Variants in PPP1R13L observed in about 807,000 individuals in gnomAD.
PPP1R13L encodes the protein protein phosphatase 1 regulatory subunit 13 like, also known as relA-associated inhibitor.
In PPP1R13L, 50 loss-of-function variants were observed where a neutral mutation model predicts 80.9. The ratio of observed to expected loss-of-function variants is 0.62; its 90% CI spans 0.49 to 0.78. PPP1R13L has a LOEUF of 0.78. Ranked by LOEUF, PPP1R13L falls within the 30% of genes least tolerant of loss-of-function variation. The probability of loss-of-function intolerance (pLI) is 0.00; values close to 1 mark genes in which losing one functional copy is unlikely to be tolerated. For synonymous variants in PPP1R13L, 602 were observed against 534.3 expected, an observed-to-expected ratio of 1.13 and a Z score of -1.75; for missense variants, 1,200 against 1,205.9, an observed-to-expected ratio of 1.00 and a Z score of 0.07.
intron 8 of PPP1R13L, 136 bp from the exon 9 acceptor site, chr19:45,386,316 GT>G (rs1568554906): frequency 1.1e-5 from 12 of 1,127,666 alleles, no homozygotes; most frequent in Non-Finnish European, 1.2e-5. Flanking sequence ...TCGGGATGGG[GT>G]GAGGGGGTGC....
intron 11 of PPP1R13L, among the ~76,000 whole-genome samples, chr19:45,383,627 G>T (rs144031775): frequency 1.5e-3 from 222 of 152,166 alleles, no homozygotes; most frequent in African/African-American, 5.2e-3. Context: ...CTGAATGCCC[G>T]TGTCAACCCT....
upstream of PPP1R13L, among the ~76,000 whole-genome samples, chr19:45,405,595 T>C (rs1247946570): frequency 6.6e-6 from 1 of 152,232 alleles, no homozygotes; most frequent in Non-Finnish European, 1.5e-5. Flanking sequence ...GGTGTCTCTC[T>C]CGCCCACGCG....
At chr19:45,405,830 A>C (rs1268682993), upstream of PPP1R13L, among the ~76,000 whole-genome samples, 1 of 152,182 alleles carries the variant, frequency 6.6e-6, no homozygotes, top group South Asian at 2.1e-4. Context: ...ACCGCCGCCC[A>C]ACGCGGGGCG....
Position 45,382,705 on chromosome 19 carries a change from A to G in PPP1R13L, c.2270T>C (p.Leu757Pro). ...YLADVEQSMG[L>P]MNSGAVYALW... ...AGCGTACACTGCCCCGCTGTTCATC[A>G]GCCCCATACTCTGCTCGACGTCTGA... Residue 757 changes from leucine (L) to proline (P), a missense_variant, in exon 12 of 13, where the codon CTG becomes CCG. By Grantham distance (98) the Leu-to-Pro change is moderately conservative. Transcript: ENST00000360957. 1 of 1,614,052 alleles carries G rather than the reference A, an allele frequency of 6.2e-7. No homozygotes were observed. Among genetic ancestry groups the G allele is most frequent in the East Asian group, 2.2e-5 (1 of 44,884 alleles).
At position 45,386,287 on chromosome 19, in the gene PPP1R13L, G is replaced by A; in HGVS notation, c.1816-107C>T. 2.3e-6 allele frequency: 3 copies of A among 1,331,090 alleles called. No homozygotes were observed. The Admixed American group carries it at 1.0e-4, about 45-fold the overall frequency. 82.5% of individuals were successfully genotyped at this position (1,331,090 alleles called of 1,614,324 possible). Reference sequence around the variant, plus strand: ...GGACTTGTGGCACCCATCTAGACAGGGGTAGAACTGGGATTCCCTCGGGAT... The same window carrying A: ...GGACTTGTGGCACCCATCTAGACAGAGGTAGAACTGGGATTCCCTCGGGAT... On this transcript the variant is annotated intron_variant, in intron 8 of 12. Transcript: ENST00000360957.
At chr19:45,392,760 T>C in intron 7 of PPP1R13L, 1 of 284,336 alleles carries the variant, frequency 3.5e-6, no homozygotes, top group South Asian at 3.3e-5. Flanking sequence ...ATCCTGAGAG[T>C]TTCCTCTCCT....
chr19:45,399,700 C>G (rs1280915636), intron 1 of PPP1R13L, among the ~76,000 whole-genome samples: 1 of 151,418 alleles, frequency 6.6e-6, no homozygotes, highest in Non-Finnish European at 1.5e-5. Context: ...ACTCCTGTAA[C>G]CCGAGCACTT....
At chr19:45,403,554 T>G (rs1410736691) in intron 1 of PPP1R13L, among the ~76,000 whole-genome samples, 1 of 152,090 alleles carries the variant, frequency 6.6e-6, no homozygotes, top group African/African-American at 2.4e-5. Flanking sequence ...CAGCCTCCGT[T>G]TCTCCACTCG....
chr19:45,401,525 A>T (rs1973233676), intron 1 of PPP1R13L, among the ~76,000 whole-genome samples: 1 of 152,020 alleles, frequency 6.6e-6, no homozygotes, highest in South Asian at 2.1e-4. Flanking sequence ...AGGCCCCTTT[A>T]ATCTCTATGA....
chr19:45,405,094 T>G (rs1973306032), upstream of PPP1R13L: 2 of 981,850 alleles, frequency 2.0e-6, no homozygotes, highest in Non-Finnish European at 2.4e-6. Context: ...GGGAACAGGT[T>G]AGACGACGTG....
chr19:45,396,158 G>A lies in PPP1R13L; in HGVS notation c.903+10C>T, dbSNP rs1305726287. ...CCCCAGCCTCTCCTCCCCAGGCGTC[G>A]CCTCCTCACCTTGCCGGTGCCCCCC... On this transcript the variant is annotated intron_variant, in intron 6 of 12. Coordinates refer to ENST00000360957, the MANE Select transcript of PPP1R13L (RefSeq NM_006663.4). The surrounding 1 kb of genome is among the most constrained non-coding windows in gnomAD (Gnocchi z 5.3). 1.6e-5 allele frequency: 26 copies of A among 1,598,874 alleles called. No individual in the cohort carries two copies. The highest frequency in any genetic ancestry group is 2.0e-5 in the Non-Finnish European group (24 of 1,174,336).
In PPP1R13L at chr19:45,393,206, T is replaced by C. The variant is rs145084412; in HGVS notation, c.1355-866A>G. On this transcript the variant is annotated intron_variant, in intron 7 of 12. Coordinates refer to ENST00000360957, the MANE Select transcript of PPP1R13L (RefSeq NM_006663.4). ...GAGATTTCATCTCAAAATATATATA[T>C]ATACACACACACACACAAACACACA... The C allele has an allele frequency of 9.8e-3, 1,478 of 150,428 alleles. 17 individuals are homozygous for C. Among genetic ancestry groups the C allele is most frequent in the Non-Finnish European group, 0.017 (1,140 of 67,650 alleles). The allele number at this position is 150,428 out of a possible 1,614,324, so 9.3% of individuals were successfully genotyped here. A position where few individuals can be genotyped will look rare whatever the true frequency, so the allele number is the denominator to read the frequency against.
chr19:45,390,774 G>C (rs2123368010), intron 8 of PPP1R13L, among the ~76,000 whole-genome samples: 1 of 152,174 alleles, frequency 6.6e-6, no homozygotes, highest in South Asian at 2.1e-4. Context: ...TTAGTAGACA[G>C]GGGGTTTCAC....
chr19:45,401,211 T>C (rs551130799), intron 1 of PPP1R13L, among the ~76,000 whole-genome samples: 95 of 151,370 alleles, frequency 6.3e-4, no homozygotes, highest in African/African-American at 2.2e-3. Context: ...AAAAATTAGC[T>C]GGGCGTGGTG....
chr19:45,405,882 G>A (rs189912081), upstream of PPP1R13L, among the ~76,000 whole-genome samples: 17 of 152,332 alleles, frequency 1.1e-4, no homozygotes, highest in East Asian at 3.3e-3. Flanking sequence ...CCAAATCTGT[G>A]TCCACGTGCC....
At chr19:45,381,042 T>C (rs1378483088) in intron 12 of PPP1R13L, among the ~76,000 whole-genome samples, 1 of 147,346 alleles carries the variant, frequency 6.8e-6, no homozygotes, top group African/African-American at 2.5e-5. Context: ...TATAAATATA[T>C]ATTATATATT....
At position 45,397,078 on chromosome 19, in the gene PPP1R13L, T is replaced by C; in HGVS notation, c.199-20A>G. 7.7e-7 allele frequency: 1 copy of C among 1,293,116 alleles called. No individual in the cohort carries two copies. Among genetic ancestry groups the C allele is most frequent in the Non-Finnish European group, 9.8e-7 (1 of 1,020,506 alleles). 80.1% of individuals were successfully genotyped at this position (1,293,116 alleles called of 1,614,324 possible). ...GGGCGGCTGTGGGGAGGCCAGGGCATTGAGGGATGGATCAAAGGAGACATT... is the reference window on the plus strand; with the variant it reads ...GGGCGGCTGTGGGGAGGCCAGGGCACTGAGGGATGGATCAAAGGAGACATT... On this transcript the variant is annotated intron_variant, in intron 3 of 12. Coordinates refer to ENST00000360957, the MANE Select transcript of PPP1R13L (RefSeq NM_006663.4).
In PPP1R13L at chr19:45,396,915, G is replaced by A. The variant is rs767615121; in HGVS notation, c.342C>T (p.Pro114=). 19 of 1,494,900 alleles carry A rather than the reference G, an allele frequency of 1.3e-5. No individual in the cohort carries two copies. Among genetic ancestry groups the A allele is most frequent in the Non-Finnish European group, 1.5e-5 (17 of 1,130,918 alleles). The allele number at this position is 1,494,900 out of a possible 1,614,324, so 92.6% of individuals were successfully genotyped here. The change falls in exon 4 of 13, where the codon CCC becomes CCT. Residue 114 remains proline, a synonymous_variant. Coordinates refer to ENST00000360957, the MANE Select transcript of PPP1R13L (RefSeq NM_006663.4). The surrounding 1 kb of genome is among the most constrained non-coding windows in gnomAD (Gnocchi z 5.3). ...TGCGCGGCGACGACGGCCGTCCCTTGGGGGACAGCGGGCTGTAGGGGTGTA... is the reference window on the plus strand; with the variant it reads ...TGCGCGGCGACGACGGCCGTCCCTTAGGGGACAGCGGGCTGTAGGGGTGTA... ...PTLHPYSPLS[P]KGRPSSPRTP...
In PPP1R13L at chr19:45,395,447, G is replaced by T. The variant is rs1264329941; in HGVS notation, c.1343C>A (p.Pro448His). The change falls in exon 7 of 13, where the codon CCT (proline) becomes CAT (histidine). Residue 448 changes from proline (P) to histidine (H), a missense_variant. By Grantham distance (77) the Pro-to-His change is moderately conservative. This residue lies in a region of PPP1R13L where 764 missense variants were observed against 714.5 expected (regional missense o/e 1.07). Transcript: ENST00000360957. ...CATTGCTGACTCACCTTCGTTCACA[G>T]GGGGCCATGTCTGTTGGGGATGCTG... is the stretch of plus-strand genomic sequence containing the variant. ...APQHPQQTWP[P>H]VNEGPPKPPT... The T allele has an allele frequency of 1.3e-6, 2 of 1,545,052 alleles. No homozygotes were observed. Among genetic ancestry groups the T allele is most frequent in the Non-Finnish European group, 1.7e-6 (2 of 1,150,610 alleles).
Sources: allele counts gnomAD v4.1 joint callset (sites outside exome capture counted in the v4.1 genomes callset), GRCh38; gene constraint gnomAD v4.1.1; regional missense constraint gnomAD v4.1.1; non-coding constraint Gnocchi (gnomAD v3.1); transcripts MANE v1.5; gene names NCBI Gene and HGNC (gene_info 2026-07-23, HGNC 2026-07-21).